The following MARK1 variants were observed in gnomAD, a reference collection of about 807,000 sequenced individuals.
The protein encoded by MARK1 is serine/threonine-protein kinase MARK1.
In MARK1, 40 loss-of-function variants were observed where a neutral mutation model predicts 96.3. The ratio of observed to expected loss-of-function variants is 0.42; its 90% CI spans 0.32 to 0.54. The LOEUF (loss-of-function observed/expected upper bound fraction) is 0.54, where lower values mean the gene tolerates loss of function less well. Ranked by LOEUF, MARK1 falls within the 20% of genes least tolerant of loss-of-function variation. The pLI, the probability that MARK1 is intolerant of heterozygous loss-of-function variation, is 0.16. For synonymous variants in MARK1, 317 were observed against 341.2 expected (o/e 0.93, Z 0.78); for missense variants, 719 against 984.6 (o/e 0.73, Z 3.61).
chr1:220,626,872 A>G, intron 9 of MARK1: 1 of 462,792 alleles, frequency 2.2e-6, no homozygotes, highest in South Asian at 1.9e-5. Context: ...GGAATTTGTC[A>G]AGAGCTTTAA....
chr1:220,528,929 C>T, intron 1 of MARK1, 56 bp downstream of exon 1: 3 of 1,488,250 alleles, frequency 2.0e-6, no homozygotes, highest in Non-Finnish European at 2.7e-6. Flanking sequence ...CCTCTGATCC[C>T]CACTTCACCC....
At chr1:220,576,925 A>G (rs111538859) in intron 1 of MARK1, among the ~76,000 whole-genome samples, 84 of 152,286 alleles carry the variant, frequency 5.5e-4, no homozygotes, top group Middle Eastern at 6.8e-3. Flanking sequence ...CTGTGAAAAG[A>G]CATAGAAAGC....
At chr1:220,639,867 G>T (rs868852036) in intron 13 of MARK1, among the ~76,000 whole-genome samples, 1 of 151,980 alleles carries the variant, frequency 6.6e-6, no homozygotes, top group Non-Finnish European at 1.5e-5. Flanking sequence ...TCATCAACAG[G>T]ATATTATCAA....
chr1:220,573,871 G>C lies in MARK1; in HGVS notation c.52-5483G>C, dbSNP rs574348629. Among the ~76,000 whole-genome samples the C allele has an allele frequency of 4.7e-4, 72 of 151,622 alleles. 1 individual carries two copies. Among genetic ancestry groups the C allele is most frequent in the African/African-American group, 1.6e-3 (64 of 41,222 alleles). ...TAGTATATATGTAGTATATATTGTA[G>C]TATATGTAGTATATTGTAGAATTGC... On this transcript the variant is annotated intron_variant, in intron 1 of 17. Transcript: ENST00000366917.
chr1:220,552,423 T>C (rs1048638410), intron 1 of MARK1, among the ~76,000 whole-genome samples: 6 of 152,190 alleles, frequency 3.9e-5, no homozygotes, highest in African/African-American at 1.4e-4. Context: ...TATTGCATCC[T>C]GGAATATATT....
At chr1:220,556,499 A>AAC (rs1553316270) in intron 1 of MARK1, among the ~76,000 whole-genome samples, 2 of 148,116 alleles carry the variant, frequency 1.4e-5, no homozygotes, top group Admixed American at 6.8e-5. Context: ...AAAAAAAAAA[A>AAC]AAAAAAACAA....
chr1:220,575,817 A>G (rs1488533123), intron 1 of MARK1, among the ~76,000 whole-genome samples: 1 of 151,398 alleles, frequency 6.6e-6, no homozygotes, highest in Non-Finnish European at 1.5e-5. Context: ...ATGTTACACC[A>G]AGGGTTGGCC....
intron 1 of MARK1, among the ~76,000 whole-genome samples, chr1:220,538,683 T>C (rs983631663): frequency 2.2e-4 from 34 of 152,240 alleles, no homozygotes; most frequent in African/African-American, 7.7e-4. Flanking sequence ...TTTCACGATA[T>C]TGATTCTTCC....
rs1046979923 is a variant in MARK1, at chr1:220,532,770, C to G, written c.51+3897C>G. On this transcript the variant is annotated intron_variant, in intron 1 of 17. Transcript: ENST00000366917. ...CCTCTAATCCCAGCACTTTGTGGGG[C>G]CGGGGTGGGAGGATTGCTTGAATCC... Among the ~76,000 whole-genome samples, 93 of 151,756 alleles carry G rather than the reference C, an allele frequency of 6.1e-4. 1 individual carries two copies. The highest frequency in any genetic ancestry group is 2.6e-4 in the Non-Finnish European group (18 of 67,964).
chr1:220,653,633 T>C (rs1279653922), intron 16 of MARK1, among the ~76,000 whole-genome samples: 1 of 152,144 alleles, frequency 6.6e-6, no homozygotes, highest in Non-Finnish European at 1.5e-5. Context: ...TAACAAAAGA[T>C]TATTTTATAT....
chr1:220,611,662 C>T (rs1174801249), intron 6 of MARK1, among the ~76,000 whole-genome samples: 1 of 152,170 alleles, frequency 6.6e-6, no homozygotes, highest in Non-Finnish European at 1.5e-5. Context: ...GAGCTGCAGA[C>T]CAGAGGTCTT....
intron 1 of MARK1, among the ~76,000 whole-genome samples, chr1:220,552,669 G>C (rs1034738891): frequency 6.6e-6 from 1 of 152,186 alleles, no homozygotes; most frequent in African/African-American, 2.4e-5. Context: ...AATGTATTCT[G>C]TAAGTCCACC....
At chr1:220,595,479 A>G (rs1665273959) in intron 3 of MARK1, among the ~76,000 whole-genome samples, 1 of 152,236 alleles carries the variant, frequency 6.6e-6, no homozygotes, top group African/African-American at 2.4e-5. Flanking sequence ...TAGCAAAATC[A>G]TCAGTTACAG....
At chr1:220,635,734 A>T in intron 12 of MARK1, 99 bp from the exon 13 acceptor site, 4 of 1,199,032 alleles carry the variant, frequency 3.3e-6, no homozygotes, top group Non-Finnish European at 4.7e-6. Context: ...AGTTTAAAGC[A>T]TGCAAATATG....
intron 16 of MARK1, 36 bp downstream of exon 16, chr1:220,653,388 T>C (rs1668995342): frequency 6.3e-7 from 1 of 1,586,708 alleles, no homozygotes; most frequent in South Asian, 1.1e-5. Flanking sequence ...TTGATTCCTC[T>C]AGAAATTATA....
intron 13 of MARK1, among the ~76,000 whole-genome samples, chr1:220,639,381 C>T (rs1398721514): frequency 6.6e-6 from 1 of 152,038 alleles, no homozygotes; most frequent in African/African-American, 2.4e-5. Flanking sequence ...ATTTATTTCA[C>T]TTATAATAGT....
intron 3 of MARK1, among the ~76,000 whole-genome samples, chr1:220,584,877 A>C (rs183480155): frequency 3.0e-4 from 45 of 152,338 alleles, no homozygotes; most frequent in African/African-American, 1.0e-3. Flanking sequence ...ACTCTCACAT[A>C]TACATGCTAT....
At chr1:220,599,764 C>T (rs767891832) in intron 4 of MARK1, 34 bp from the exon 5 acceptor site, 2 of 1,217,462 alleles carry the variant, frequency 1.6e-6, no homozygotes, top group Non-Finnish European at 2.4e-6. Flanking sequence ...TCTGTGCTAA[C>T]AGTTATAGAG....
At chr1:220,611,344 G>A (rs1285085941) in intron 6 of MARK1, among the ~76,000 whole-genome samples, 3 of 152,336 alleles carry the variant, frequency 2.0e-5, no homozygotes, top group East Asian at 3.9e-4. Context: ...TTGTGCTAGC[G>A]GTGAGCAAGG....
Sources: allele counts gnomAD v4.1 joint callset (sites outside exome capture counted in the v4.1 genomes callset), GRCh38; gene constraint gnomAD v4.1.1; transcripts MANE v1.5; gene names NCBI Gene and HGNC (gene_info 2026-07-23, HGNC 2026-07-21).